Variants in GREB1 observed in about 807,000 individuals in gnomAD.
GREB1 encodes the protein protein GREB1.
GREB1 carries 106 observed loss-of-function variants against 200.7 expected under a neutral mutation model. The ratio of observed to expected loss-of-function variants is 0.53; its 90% CI spans 0.45 to 0.62. The LOEUF (loss-of-function observed/expected upper bound fraction) is 0.62. Among genes scored for constraint, GREB1 ranks in the 20% least tolerant of loss-of-function variants. GREB1 has a pLI of 0.00. For missense variants in GREB1, 2,243 were observed against 2,556.8 expected (o/e 0.88, Z 2.65); for synonymous variants, 1,132 against 1,092.4 (o/e 1.04, Z -0.72).
At chr2:11,608,495 T>C (rs189400593) in intron 17 of GREB1, among the ~76,000 whole-genome samples, 80 of 152,354 alleles carry the variant, frequency 5.3e-4, no homozygotes, top group Middle Eastern at 3.4e-3. Flanking sequence ...GGGTGCTAGA[T>C]ATATTTGTAT....
At position 11,588,794 on chromosome 2, in the gene GREB1, T is replaced by C; in HGVS notation, c.1208T>C (p.Val403Ala). Residue 403 changes from valine to alanine, a missense_variant, in exon 10 of 33, where the codon GTC (valine) becomes GCC (alanine). Physicochemically the swap from Val to Ala is moderately conservative, Grantham distance 64. Around this residue, in one of 3 missense-constraint regions of GREB1, gnomAD observed 1,178 missense variants for 1,387.4 expected, o/e 0.85. Transcript: ENST00000381486. ...TGTGGGAACCTGAATGACGTCGTGG[T>C]CAGCCCCCTCTTGTACACGTGCTAC... ...YLCGNLNDVVVSPLLYTCYQN... is the reference protein window; with the variant it reads ...YLCGNLNDVVASPLLYTCYQN... 1 of 1,614,094 alleles carries C rather than the reference T, an allele frequency of 6.2e-7. No individual in the cohort carries two copies.
chr2:11,533,593 T>C (rs1395395484), upstream of GREB1, among the ~76,000 whole-genome samples: 1 of 152,162 alleles, frequency 6.6e-6, no homozygotes, highest in Non-Finnish European at 1.5e-5. Flanking sequence ...AATTTTGTGT[T>C]TGATGGAGGA....
At chr2:11,502,543 G>C (rs1673077258) in intron 1 of GREB1, among the ~76,000 whole-genome samples, 2 of 152,112 alleles carry the variant, frequency 1.3e-5, no homozygotes, top group South Asian at 4.2e-4. Context: ...TCAGTTTACA[G>C]AACTAGTGCA....
chr2:11,529,458 T>A (rs1030655758), upstream of GREB1, among the ~76,000 whole-genome samples: 3 of 152,128 alleles, frequency 2.0e-5, no homozygotes, highest in Non-Finnish European at 2.9e-5. Context: ...GTGACAAGCA[T>A]GGATGAGGTT....
rs1684758119 is a variant in GREB1 at position 11,629,972 on chromosome 2, T to C, written c.4474T>C (p.Phe1492Leu). ...YQLYESTLHA[F>L]AFSYSMLGEE... is the part of the protein sequence containing the mutation. Reference sequence around the variant, plus strand: ...GCTGTATGAGTCCACCCTGCACGCCTTTGCCTTCTCTTACTCCATGCTAGG... The same window carrying C: ...GCTGTATGAGTCCACCCTGCACGCCCTTGCCTTCTCTTACTCCATGCTAGG... Residue 1492 changes from phenylalanine to leucine, a missense_variant, in exon 26 of 33, where the codon TTT becomes CTT. Coordinates refer to ENST00000381486, the MANE Select transcript of GREB1 (RefSeq NM_014668.4). The surrounding 1 kb of genome is among the most constrained non-coding windows in gnomAD (Gnocchi z 5.2). The C allele has an allele frequency of 6.2e-7, 1 of 1,614,020 alleles. No individual in the cohort carries two copies. Among genetic ancestry groups the C allele is most frequent in the African/African-American group, 1.3e-5 (1 of 74,922 alleles).
chr2:11,638,051 C>A, intron 31 of GREB1, 135 bp downstream of exon 31: 1 of 758,284 alleles, frequency 1.3e-6, no homozygotes, highest in Non-Finnish European at 2.2e-6. Context: ...GTAGGTTTTG[C>A]CATTCAGCTG....
chr2:11,570,995 A>G (rs1319161177), intron 4 of GREB1, among the ~76,000 whole-genome samples: 1 of 152,150 alleles, frequency 6.6e-6, no homozygotes, highest in South Asian at 2.1e-4. Flanking sequence ...TCATTTCTAC[A>G]CTTGAGCTGG....
intron 10 of GREB1, among the ~76,000 whole-genome samples, chr2:11,591,145 C>T (rs77082627): frequency 0.04 from 6,100 of 152,212 alleles, 406 homozygotes; most frequent in African/African-American, 0.14. Flanking sequence ...AGAGAGATAA[C>T]GGCTAATCTA....
At chr2:11,495,767 G>A (rs75669797) in intron 1 of GREB1, among the ~76,000 whole-genome samples, 5,093 of 150,546 alleles carry the variant, frequency 0.034, 297 homozygotes, top group African/African-American at 0.11. Flanking sequence ...ATACTAGTCC[G>A]TTGAATCTTG....
intron 1 of GREB1, among the ~76,000 whole-genome samples, chr2:11,527,658 C>T (rs1248266030): frequency 6.6e-6 from 1 of 152,194 alleles, no homozygotes; most frequent in Admixed American, 6.5e-5. Flanking sequence ...CAACCAGGAG[C>T]TATTCAGTGA....
At chr2:11,508,736 T>A (rs1046475669) in intron 1 of GREB1, among the ~76,000 whole-genome samples, 2 of 152,196 alleles carry the variant, frequency 1.3e-5, no homozygotes, top group Non-Finnish European at 2.9e-5. Context: ...TCTTTCTAGA[T>A]CCACAGCATT....
chr2:11,567,830 C>G (rs761053235), intron 4 of GREB1, among the ~76,000 whole-genome samples: 1 of 152,184 alleles, frequency 6.6e-6, no homozygotes, highest in Non-Finnish European at 1.5e-5. Context: ...GACTGAGAGC[C>G]CGGGGATCTG....
chr2:11,598,643 T>G (rs759369743), intron 14 of GREB1, 37 bp from the exon 15 acceptor site: 1 of 1,596,076 alleles, frequency 6.3e-7, no homozygotes, highest in Non-Finnish European at 8.6e-7. Context: ...CCAGTGCGCA[T>G]GTTTGCAGTT....
At chr2:11,616,178 T>TA (rs1282374276) in intron 20 of GREB1, among the ~76,000 whole-genome samples, 1 of 152,264 alleles carries the variant, frequency 6.6e-6, no homozygotes, top group African/African-American at 2.4e-5. Context: ...TGGCCCACGT[T>TA]AAACTTGCAG....
chr2:11,636,804 AGGCAGGGACAGAGGCAGG>A (rs1188474271), intron 30 of GREB1, among the ~76,000 whole-genome samples: 125 of 106,052 alleles, frequency 1.2e-3, no homozygotes, highest in South Asian at 3.2e-3. Flanking sequence ...GCAGGGGCAG[AGGCAGGGACAGAGGCAGG>A]GGCAGGGACA....
At chr2:11,604,325 C>T (rs938263196) in intron 17 of GREB1, among the ~76,000 whole-genome samples, 6 of 152,130 alleles carry the variant, frequency 3.9e-5, no homozygotes, top group South Asian at 2.1e-4. Flanking sequence ...GAAAGTTTCT[C>T]GATTTTCTTT....
chr2:11,519,274 T>C (rs1673622552), intron 1 of GREB1, among the ~76,000 whole-genome samples: 1 of 152,032 alleles, frequency 6.6e-6, no homozygotes, highest in Admixed American at 6.6e-5. Flanking sequence ...ATAAGGGCTA[T>C]CTGGATGTTA....
rs1683737837 is a variant in GREB1, at chr2:11,618,766, C to T, written c.3891C>T (p.Pro1297=). The part of the protein sequence containing the change: ...PSVMWASSFR[P]LLSKTMTSTE... ...TCATGTGGGCCAGCTCTTTCCGCCC[C>T]CTGCTCAGCAAGACCATGACATCCA... The change falls in exon 22 of 33, where the codon CCC becomes CCT. Residue 1297 remains proline (P), a synonymous_variant. Coordinates refer to ENST00000381486, the MANE Select transcript of GREB1 (RefSeq NM_014668.4). The T allele has an allele frequency of 1.2e-6, 2 of 1,612,970 alleles. No homozygotes were observed. Among genetic ancestry groups the T allele is most frequent in the African/African-American group, 1.3e-5 (1 of 74,940 alleles).
intron 17 of GREB1, among the ~76,000 whole-genome samples, chr2:11,608,159 C>A (rs1682579248): frequency 6.6e-6 from 1 of 152,188 alleles, no homozygotes; most frequent in East Asian, 1.9e-4. Context: ...AGGTCACATA[C>A]AAAGATCATA....
Sources: allele counts gnomAD v4.1 joint callset (sites outside exome capture counted in the v4.1 genomes callset), GRCh38; gene constraint gnomAD v4.1.1; regional missense constraint gnomAD v4.1.1; non-coding constraint Gnocchi (gnomAD v3.1); transcripts MANE v1.5; gene names NCBI Gene and HGNC (gene_info 2026-07-23, HGNC 2026-07-21).